PTPRK: variants seen among roughly 807,000 people sequenced by gnomAD.
PTPRK encodes the protein protein tyrosine phosphatase receptor type K.
Under a neutral mutation model 178.0 loss-of-function variants are expected in PTPRK, and 75 were observed. That is an observed-to-expected ratio of 0.42 (90% confidence interval 0.35 to 0.51). The LOEUF (loss-of-function observed/expected upper bound fraction) is 0.51. PTPRK is among the 20% of genes least tolerant of loss of function. The pLI, the probability that PTPRK is intolerant of heterozygous loss-of-function variation, is 0.02. For missense variants in PTPRK, 1,441 were observed against 1,797.8 expected (o/e 0.80, Z 3.59); for synonymous variants, 637 against 620.6 (o/e 1.03, Z -0.39).
intron 3 of PTPRK, among the ~76,000 whole-genome samples, chr6:128,247,641 A>C (rs772812811): frequency 1.3e-5 from 2 of 152,172 alleles, no homozygotes; most frequent in African/African-American, 4.8e-5. Flanking sequence ...TTTAACTGTA[A>C]CTTTAACTTA....
chr6:128,096,185 A>G (rs1787879190), intron 7 of PTPRK, among the ~76,000 whole-genome samples: 1 of 152,226 alleles, frequency 6.6e-6, no homozygotes, highest in African/African-American at 2.4e-5. Context: ...TAGATCAAGT[A>G]TGGTATTTAT....
intron 7 of PTPRK, among the ~76,000 whole-genome samples, chr6:128,111,880 C>A (rs941326259): frequency 1.3e-5 from 2 of 152,028 alleles, no homozygotes; most frequent in Non-Finnish European, 2.9e-5. Context: ...CATTTCTTTT[C>A]TATTTTTATA....
intron 15 of PTPRK, among the ~76,000 whole-genome samples, chr6:128,004,706 A>T (rs899283297): frequency 2.6e-5 from 4 of 151,836 alleles, no homozygotes; most frequent in Non-Finnish European, 5.9e-5. Flanking sequence ...TTATCGCAAA[A>T]GAGACTTTCA....
chr6:128,321,698 T>C, intron 3 of PTPRK: 1 of 660,326 alleles, frequency 1.5e-6, no homozygotes, highest in South Asian at 1.7e-5. Context: ...AACAAAGCTG[T>C]AGGAAAGAAT....
At chr6:128,036,805 G>A (rs1048134734) in intron 13 of PTPRK, among the ~76,000 whole-genome samples, 3 of 151,328 alleles carry the variant, frequency 2.0e-5, no homozygotes, top group African/African-American at 7.3e-5. Context: ...GTGCGATCTC[G>A]GCTGCAACCT....
chr6:128,202,601 G>C (rs1294595201), intron 6 of PTPRK, among the ~76,000 whole-genome samples: 1 of 152,054 alleles, frequency 6.6e-6, no homozygotes, highest in Non-Finnish European at 1.5e-5. Context: ...ATTCCAGCCA[G>C]ACAGTGCTGA....
At chr6:128,433,819 T>A (rs1229592918) in intron 1 of PTPRK, among the ~76,000 whole-genome samples, 1 of 141,668 alleles carries the variant, frequency 7.1e-6, no homozygotes, top group Admixed American at 6.8e-5. Context: ...GCCCAGCCTC[T>A]AACACTGTTT....
intron 13 of PTPRK, among the ~76,000 whole-genome samples, chr6:128,059,544 C>T (rs902226340): frequency 6.6e-6 from 1 of 151,912 alleles, no homozygotes; most frequent in Non-Finnish European, 1.5e-5. Context: ...TATGTTTTTC[C>T]AGTCTCTTCT....
chr6:128,067,416 TTTTTC>T (rs1199298901), intron 12 of PTPRK, 98 bp downstream of exon 12: 2 of 1,307,858 alleles, frequency 1.5e-6, no homozygotes, highest in Non-Finnish European at 2.0e-6. Flanking sequence ...GCAAATTTTC[TTTTTC>T]TTTTTTTTTT....
In PTPRK at chr6:128,035,863, C is replaced by A. The variant is rs545199380; in HGVS notation, c.2195-26595G>T. On this transcript the variant is annotated intron_variant, in intron 13 of 29. Transcript: ENST00000368226. Reference sequence around the variant, plus strand: ...ATCCTGAGATCTACAGGACAGTCTGCATAATTAGTAGTTGCATTTGGTGAT... The same window carrying A: ...ATCCTGAGATCTACAGGACAGTCTGAATAATTAGTAGTTGCATTTGGTGAT... Among the ~76,000 whole-genome samples, 4 of 152,282 alleles carry A rather than the reference C, an allele frequency of 2.6e-5. No individual in the cohort carries two copies. In the South Asian group the frequency reaches 8.3e-4, roughly 32 times the overall value.
chr6:128,280,881 T>A (rs903668704), intron 3 of PTPRK, among the ~76,000 whole-genome samples: 1 of 152,220 alleles, frequency 6.6e-6, no homozygotes, highest in Non-Finnish European at 1.5e-5. Context: ...ACTTCGAATA[T>A]TTTTAAAGTC....
chr6:128,064,465 G>A (rs1240072689), intron 13 of PTPRK, among the ~76,000 whole-genome samples: 2 of 152,150 alleles, frequency 1.3e-5, no homozygotes, highest in Non-Finnish European at 2.9e-5. Context: ...TATTGCTGAC[G>A]CTTTCCTAAG....
rs1051261021 is a variant in PTPRK, at chr6:128,072,230, G to T, written c.1884-4438C>A. Among the ~76,000 whole-genome samples the T allele has an allele frequency of 1.5e-4, 23 of 151,982 alleles. No individual in the cohort carries two copies. The Middle Eastern group carries it at 0.01, about 67-fold the overall frequency. On this transcript the variant is annotated intron_variant, in intron 11 of 29. Transcript: ENST00000368226. ...TCATTAATCATTCAATACACAAAAT[G>T]TGACTTCCTTATTTTTTAAAAAATT... is the stretch of plus-strand genomic sequence containing the variant.
chr6:127,998,659 T>C, intron 16 of PTPRK, 61 bp downstream of exon 16: 1 of 1,398,890 alleles, frequency 7.1e-7, no homozygotes, highest in Middle Eastern at 2.2e-4. Flanking sequence ...AAAAAAATGC[T>C]AAATTCCACT....
chr6:128,296,266 G>T (rs899809618), intron 3 of PTPRK, among the ~76,000 whole-genome samples: 1 of 151,852 alleles, frequency 6.6e-6, no homozygotes, highest in Non-Finnish European at 1.5e-5. Flanking sequence ...ATATACCCTC[G>T]TCTTCTTCAC....
At chr6:128,402,271 G>T (rs1235835191) in intron 1 of PTPRK, among the ~76,000 whole-genome samples, 1 of 151,966 alleles carries the variant, frequency 6.6e-6, no homozygotes, top group Non-Finnish European at 1.5e-5. Context: ...TTTTGTTTTT[G>T]TTTAGAGATG....
chr6:128,087,961 C>T (rs957249076), intron 8 of PTPRK, among the ~76,000 whole-genome samples: 2 of 152,104 alleles, frequency 1.3e-5, no homozygotes, highest in Non-Finnish European at 2.9e-5. Flanking sequence ...GCATAATAAC[C>T]TCTTTTATGG....
intron 2 of PTPRK, among the ~76,000 whole-genome samples, chr6:128,357,161 T>G (rs2128340232): frequency 6.6e-6 from 1 of 152,182 alleles, no homozygotes; most frequent in African/African-American, 2.4e-5. Context: ...CAGATAAAAT[T>G]TTTCTCCTTC....
intron 6 of PTPRK, among the ~76,000 whole-genome samples, chr6:128,204,312 T>TA (rs1399804293): frequency 6.6e-6 from 1 of 152,004 alleles, no homozygotes; most frequent in Non-Finnish European, 1.5e-5. Context: ...CTCAAAACTA[T>TA]AAAAAGCCTA....
Sources: allele counts gnomAD v4.1 joint callset (sites outside exome capture counted in the v4.1 genomes callset), GRCh38; gene constraint gnomAD v4.1.1; transcripts MANE v1.5; gene names NCBI Gene and HGNC (gene_info 2026-07-23, HGNC 2026-07-21).